Variants in PEX14 observed in about 807,000 individuals in gnomAD.
PEX14 encodes peroxisomal membrane protein PEX14.
Under a neutral mutation model 49.5 loss-of-function variants are expected in PEX14, and 15 were observed. The observed-to-expected ratio is 0.30, with a 90% CI of 0.20 to 0.47. The LOEUF is 0.47. PEX14 is among the 20% of genes least tolerant of loss of function. PEX14 has a pLI of 1.00. For synonymous variants in PEX14, 210 were observed against 212.7 expected (o/e 0.99, Z 0.11); for missense variants, 398 against 494.8 (o/e 0.80, Z 1.86).
intron 2 of PEX14, among the ~76,000 whole-genome samples, chr1:10,522,775 T>C (rs1638341608): frequency 1.3e-5 from 2 of 152,242 alleles, no homozygotes; most frequent in African/African-American, 4.8e-5. Context: ...TTCTGGATAG[T>C]TACGTTTTCT....
At chr1:10,562,615 C>G (rs540691537) in intron 3 of PEX14, among the ~76,000 whole-genome samples, 3 of 152,266 alleles carry the variant, frequency 2.0e-5, no homozygotes, top group Admixed American at 2.0e-4. Context: ...TTGTGTCTTT[C>G]CGGCATCATA....
chr1:10,544,693 C>T (rs1339512114), intron 3 of PEX14, among the ~76,000 whole-genome samples: 1 of 152,114 alleles, frequency 6.6e-6, no homozygotes, highest in African/African-American at 2.4e-5. Flanking sequence ...TCCTGTGGTC[C>T]CCCCAACCCC....
chr1:10,570,219 G>A (rs1553191504), intron 3 of PEX14, among the ~76,000 whole-genome samples: 1 of 151,862 alleles, frequency 6.6e-6, no homozygotes, highest in Non-Finnish European at 1.5e-5. Context: ...TTCTGTGTGT[G>A]TTCCCTTTTT....
At chr1:10,504,722 C>CT (rs1276683513) in intron 2 of PEX14, among the ~76,000 whole-genome samples, 10 of 109,560 alleles carry the variant, frequency 9.1e-5, no homozygotes, top group Non-Finnish European at 1.9e-4. Flanking sequence ...TTTCCTTTTC[C>CT]TTTCCTTTCC....
At chr1:10,576,909 T>C (rs974686226) in intron 3 of PEX14, among the ~76,000 whole-genome samples, 2 of 151,834 alleles carry the variant, frequency 1.3e-5, no homozygotes, top group African/African-American at 4.8e-5. Context: ...GGTGCCACCA[T>C]GCCCGGCTAA....
intron 3 of PEX14, among the ~76,000 whole-genome samples, chr1:10,563,917 G>GAA (rs61569304): frequency 1.7e-3 from 245 of 148,304 alleles, no homozygotes; most frequent in African/African-American, 4.6e-3. Flanking sequence ...TCTCAAAAAA[G>GAA]AAAAAAAAAA....
intron 4 of PEX14, among the ~76,000 whole-genome samples, chr1:10,609,605 A>G (rs1332572491): frequency 1.3e-5 from 2 of 152,148 alleles, no homozygotes; most frequent in African/African-American, 4.8e-5. Flanking sequence ...TTCTTATAGA[A>G]CAGGTGCAGT....
intron 5 of PEX14, among the ~76,000 whole-genome samples, chr1:10,620,189 C>T (rs1276072046): frequency 6.6e-6 from 1 of 152,078 alleles, no homozygotes; most frequent in African/African-American, 2.4e-5. Flanking sequence ...GTGGCTCACA[C>T]CTCTAATCCC....
At chr1:10,510,764 A>C (rs893121481) in intron 2 of PEX14, among the ~76,000 whole-genome samples, 3 of 152,144 alleles carry the variant, frequency 2.0e-5, no homozygotes, top group African/African-American at 7.2e-5. Flanking sequence ...TGAGCCAAGG[A>C]GTTGGATTGC....
intron 1 of PEX14, among the ~76,000 whole-genome samples, chr1:10,476,220 G>A (rs1202508325): frequency 6.6e-6 from 1 of 152,176 alleles, no homozygotes; most frequent in Non-Finnish European, 1.5e-5. Context: ...ACTTAAAGGA[G>A]TTGGTGTGTT....
At chr1:10,475,672 C>T (rs956723574) in intron 1 of PEX14, among the ~76,000 whole-genome samples, 2 of 152,142 alleles carry the variant, frequency 1.3e-5, no homozygotes, top group East Asian at 3.9e-4. Context: ...AATCCCACTC[C>T]AATAAGGGGA....
At chr1:10,609,920 G>T (rs1465787667) in intron 4 of PEX14, among the ~76,000 whole-genome samples, 5 of 151,586 alleles carry the variant, frequency 3.3e-5, no homozygotes, top group African/African-American at 4.8e-5. Context: ...AAAACATTTT[G>T]TATAAATGGA....
At chr1:10,561,688 C>T (rs776347109) in intron 3 of PEX14, among the ~76,000 whole-genome samples, 7 of 152,168 alleles carry the variant, frequency 4.6e-5, no homozygotes, top group Non-Finnish European at 1.0e-4. Context: ...ATCATGTTAT[C>T]TGGTTACTCA....
chr1:10,533,510 T>C (rs1229202869), intron 2 of PEX14, among the ~76,000 whole-genome samples: 3 of 152,264 alleles, frequency 2.0e-5, no homozygotes, highest in African/African-American at 4.8e-5. Context: ...AGGTGTTTTC[T>C]ACTTTACCTG....
chr1:10,493,001 G>A (rs1460953672), intron 1 of PEX14, among the ~76,000 whole-genome samples: 1 of 152,184 alleles, frequency 6.6e-6, no homozygotes, highest in Non-Finnish European at 1.5e-5. Context: ...CTGAGGAAGT[G>A]TCTTAGCTGG....
chr1:10,594,166 A>G (rs1176435819), intron 3 of PEX14, among the ~76,000 whole-genome samples: 1 of 152,210 alleles, frequency 6.6e-6, no homozygotes, highest in African/African-American at 2.4e-5. Context: ...TTCCAACAAA[A>G]TGTTCATAAA....
intron 4 of PEX14, among the ~76,000 whole-genome samples, chr1:10,610,758 G>T (rs1641257769): frequency 6.6e-6 from 1 of 152,170 alleles, no homozygotes; most frequent in Non-Finnish European, 1.5e-5. Flanking sequence ...CTCCCAAAGT[G>T]CTGGGATTAC....
chr1:10,545,825 C>T (rs1639154606), intron 3 of PEX14, among the ~76,000 whole-genome samples: 1 of 152,084 alleles, frequency 6.6e-6, no homozygotes, highest in African/African-American at 2.4e-5. Flanking sequence ...AGAAGGATTG[C>T]TTTAGATGGA....
chr1:10,583,853 G>A (rs1009801968), intron 3 of PEX14, among the ~76,000 whole-genome samples: 3 of 152,150 alleles, frequency 2.0e-5, no homozygotes, highest in African/African-American at 7.2e-5. Context: ...TGAAGAGGAA[G>A]TTGTGTCTGG....
Sources: allele counts gnomAD v4.1 joint callset (sites outside exome capture counted in the v4.1 genomes callset), GRCh38; gene constraint gnomAD v4.1.1; transcripts MANE v1.5; gene names NCBI Gene and HGNC (gene_info 2026-07-23, HGNC 2026-07-21).